Variants in ELAPOR1 observed in about 807,000 individuals in gnomAD.
ELAPOR1 encodes the protein endosome/lysosome-associated apoptosis and autophagy regulator 1.
Under a neutral mutation model 119.7 loss-of-function variants are expected in ELAPOR1, and 77 were observed. The ratio of observed to expected loss-of-function variants is 0.64; its 90% CI spans 0.54 to 0.78. ELAPOR1 has a LOEUF of 0.78. Ranked by LOEUF, ELAPOR1 falls within the 30% of genes least tolerant of loss-of-function variation. The probability of loss-of-function intolerance (pLI) is 0.00; values close to 1 mark genes in which losing one functional copy is unlikely to be tolerated. For synonymous variants in ELAPOR1, 481 were observed against 487.2 expected (o/e 0.99, Z 0.17); for missense variants, 1,115 against 1,270.4 (o/e 0.88, Z 1.86).
Position 109,200,105 on chromosome 1 carries a change from T to C in ELAPOR1, c.2675T>C (p.Ile892Thr). 6.2e-7 allele frequency: 1 copy of C among 1,614,212 alleles called. No individual in the cohort carries two copies. The highest frequency in any genetic ancestry group is 8.5e-7 in the Non-Finnish European group (1 of 1,180,028). ...WREPKLCSGG[I>T]SLPEQRVTIC... ...GAACCCAAGCTATGCTCTGGTGGCA[T>C]TTCTCTGCCTGAGCAGAGAGTCACC... The change falls in exon 20 of 22, where the codon ATT (isoleucine) becomes ACT (threonine). Residue 892 changes from isoleucine to threonine, a missense_variant. Physicochemically the swap from Ile to Thr is moderately conservative, Grantham distance 89. Transcript: ENST00000369939.
chr1:109,194,636 G>A (rs1376228460), intron 15 of ELAPOR1, 42 bp downstream of exon 15: 2 of 1,580,542 alleles, frequency 1.3e-6, no homozygotes, highest in Admixed American at 1.7e-5. Context: ...GAATGGGGGA[G>A]GCCCATGGAT....
rs1282779384 is a variant in ELAPOR1 at position 109,193,010 on chromosome 1, G to A, written c.1947+136G>A. 4 of 930,320 alleles carry A rather than the reference G, an allele frequency of 4.3e-6. No homozygotes were observed. In the East Asian group the frequency reaches 7.5e-5, roughly 18 times the overall value. 57.6% of individuals were successfully genotyped at this position (930,320 alleles called of 1,614,324 possible). ...TAGCATACTCCTAGGTTGGAGTCCT[G>A]GAGGACACCCATCCAGGCTGTGACT... On this transcript the variant is annotated intron_variant, in intron 14 of 21. Coordinates refer to ENST00000369939, the MANE Select transcript of ELAPOR1 (RefSeq NM_020775.5).
At position 109,165,515 on chromosome 1, in the gene ELAPOR1, C is replaced by T. The variant is rs572105873; in HGVS notation, c.467+824C>T. Among the ~76,000 whole-genome samples, 6 of 149,736 alleles carry T rather than the reference C, an allele frequency of 4.0e-5. No individual in the cohort carries two copies. The South Asian group carries it at 8.5e-4, about 21-fold the overall frequency. On this transcript the variant is annotated intron_variant, in intron 3 of 21. Transcript: ENST00000369939. ...CAGGAGAATCGCTTGAACTGGGAAG[C>T]GGAAGTTGCAGTGAGCTGAGATCGC...
At chr1:109,191,514 G>A (rs376282860) in intron 12 of ELAPOR1, 43 bp downstream of exon 12, 1 of 1,558,108 alleles carries the variant, frequency 6.4e-7, no homozygotes, top group Admixed American at 1.7e-5. Flanking sequence ...CTCCAGGGGA[G>A]GGTTAGCCCC....
At chr1:109,122,356 TAAAA>T (rs71069650) in intron 1 of ELAPOR1, among the ~76,000 whole-genome samples, 1,629 of 114,996 alleles carry the variant, frequency 0.014, 31 homozygotes, top group African/African-American at 0.049. Context: ...ACCTTTCCAT[TAAAA>T]AAAAAAAAAA....
chr1:109,177,283 G>GGT, intron 7 of ELAPOR1, among the ~76,000 whole-genome samples: 1 of 147,274 alleles, frequency 6.8e-6, no homozygotes, highest in South Asian at 2.2e-4. Context: ...GGGCAGAGAC[G>GGT]CTCCTCACTT....
intron 20 of ELAPOR1, 134 bp from the exon 21 acceptor site, chr1:109,200,600 AC>A: frequency 1.3e-6 from 1 of 785,050 alleles, no homozygotes. Context: ...CCCAGCCCTG[AC>A]ACCATTTTAC....
At chr1:109,134,251 GT>G (rs1649322503) in intron 1 of ELAPOR1, among the ~76,000 whole-genome samples, 1 of 152,128 alleles carries the variant, frequency 6.6e-6, no homozygotes, top group Non-Finnish European at 1.5e-5. Context: ...CAATATCACA[GT>G]TTCCCGGAGG....
chr1:109,128,151 G>A (rs982093187), intron 1 of ELAPOR1, among the ~76,000 whole-genome samples: 7 of 151,844 alleles, frequency 4.6e-5, no homozygotes, highest in Non-Finnish European at 7.4e-5. Context: ...GGGATTCCAC[G>A]CATCAGCCAC....
At chr1:109,200,648 G>A in intron 20 of ELAPOR1, 87 bp from the exon 21 acceptor site, 1 of 1,292,632 alleles carries the variant, frequency 7.7e-7, no homozygotes, top group Non-Finnish European at 1.1e-6. Flanking sequence ...ATGGGAATAG[G>A]ACCTGTTCAT....
At position 109,190,139 on chromosome 1, in the gene ELAPOR1, C is replaced by T. The variant is rs191444012; in HGVS notation, c.1439+457C>T. ...TTCCCACTAAACAAACAAACAAACA[C>T]GCACACACACACACACACCTCCTGG... On this transcript the variant is annotated intron_variant, in intron 11 of 21. Coordinates refer to ENST00000369939, the MANE Select transcript of ELAPOR1 (RefSeq NM_020775.5). Among the ~76,000 whole-genome samples the T allele has an allele frequency of 6.7e-3, 1,009 of 150,022 alleles. 13 individuals carry two copies. Among genetic ancestry groups the T allele is most frequent in the African/African-American group, 0.024 (969 of 39,874 alleles).
At chr1:109,143,244 C>G (rs1366311026) in intron 1 of ELAPOR1, among the ~76,000 whole-genome samples, 1 of 152,186 alleles carries the variant, frequency 6.6e-6, no homozygotes, top group African/African-American at 2.4e-5. Flanking sequence ...GTCATCATGC[C>G]TGGCCCATAC....
chr1:109,174,413 TAAAAAAAAAAAAAAAAAAAAAA>T lies in ELAPOR1; in HGVS notation c.952+590_952+611del, dbSNP rs59275691. ...GGGTGACAGAGTAAGACCCTGTCTCTAAAAAAAAAAAAAAAAAAAAAAAAAAAAAAAAAAATCATTCAATAAA... is the reference window on the plus strand; with the variant it reads ...GGGTGACAGAGTAAGACCCTGTCTCTAAAAAAAAAAAAATCATTCAATAAA... On this transcript the variant is annotated intron_variant, in intron 7 of 21. Coordinates refer to ENST00000369939, the MANE Select transcript of ELAPOR1 (RefSeq NM_020775.5). 1.7e-4 allele frequency among the ~76,000 whole-genome samples: 7 copies of T among 42,046 alleles called. No homozygotes were observed. The Admixed American group carries it at 1.9e-3, about 11-fold the overall frequency. 27.6% of individuals were successfully genotyped at this position (42,046 alleles called of 152,430 possible).
At chr1:109,139,103 C>T (rs571218224) in intron 1 of ELAPOR1, among the ~76,000 whole-genome samples, 2 of 152,106 alleles carry the variant, frequency 1.3e-5, no homozygotes, top group East Asian at 3.9e-4. Context: ...GTAATCCCAG[C>T]ACTTTGGGAG....
chr1:109,155,341 A>G (rs746566760), intron 1 of ELAPOR1, among the ~76,000 whole-genome samples: 6 of 151,772 alleles, frequency 4.0e-5, no homozygotes, highest in Admixed American at 6.6e-5. Context: ...ACGCCCGGCT[A>G]ATTTTTTTCT....
intron 1 of ELAPOR1, 71 bp downstream of exon 1, chr1:109,114,407 C>G (rs1200329560): frequency 6.9e-7 from 1 of 1,456,900 alleles, no homozygotes; most frequent in Non-Finnish European, 9.1e-7. Flanking sequence ...ACCTTGGGGA[C>G]CCAGGCGCAG....
intron 1 of ELAPOR1, among the ~76,000 whole-genome samples, chr1:109,115,854 A>G (rs1647962625): frequency 6.6e-6 from 1 of 152,224 alleles, no homozygotes; most frequent in Admixed American, 6.5e-5. Context: ...TAGCCGCATT[A>G]TGACCTGTTT....
At chr1:109,135,118 G>A (rs1189572111) in intron 1 of ELAPOR1, among the ~76,000 whole-genome samples, 1 of 152,150 alleles carries the variant, frequency 6.6e-6, no homozygotes, top group African/African-American at 2.4e-5. Context: ...TCCTGGTTTA[G>A]AGCAGGGTTC....
intron 1 of ELAPOR1, among the ~76,000 whole-genome samples, chr1:109,139,042 T>C (rs1194595768): frequency 6.6e-6 from 1 of 152,058 alleles, no homozygotes; most frequent in Non-Finnish European, 1.5e-5. Context: ...CCTGTTGCCT[T>C]GGAACTTACT....
Sources: allele counts gnomAD v4.1 joint callset (sites outside exome capture counted in the v4.1 genomes callset), GRCh38; gene constraint gnomAD v4.1.1; transcripts MANE v1.5; gene names NCBI Gene and HGNC (gene_info 2026-07-23, HGNC 2026-07-21).